The following ZFHX3 variants were observed in gnomAD, a reference collection of about 807,000 sequenced individuals.
ZFHX3 encodes the protein zinc finger homeobox protein 3.
A neutral mutation model predicts 279.1 loss-of-function variants in ZFHX3; 42 were observed. That is an observed-to-expected ratio of 0.15 (90% confidence interval 0.12 to 0.19). The LOEUF is 0.19. Among genes scored for constraint, ZFHX3 ranks in the 10% least tolerant of loss-of-function variants. ZFHX3 has a pLI of 1.00. For missense variants in ZFHX3, 4,981 were observed against 4,754.0 expected (o/e 1.05, Z -1.40); for synonymous variants, 2,293 against 1,957.8 (o/e 1.17, Z -4.52).
intron 1 of ZFHX3, among the ~76,000 whole-genome samples, chr16:72,969,696 A>C (rs1393935035): frequency 6.6e-6 from 1 of 152,234 alleles, no homozygotes; most frequent in African/African-American, 2.4e-5. Flanking sequence ...ACCTCCTTCA[A>C]GGGTCAAAGA....
chr16:73,408,798 A>G (rs2017412543), intron 3 of ZFHX3, among the ~76,000 whole-genome samples: 1 of 151,996 alleles, frequency 6.6e-6, no homozygotes, highest in Non-Finnish European at 1.5e-5. Flanking sequence ...ATGGCTTTGC[A>G]TGGAACTCAG....
At chr16:73,382,252 T>C (rs529465451) in intron 3 of ZFHX3, among the ~76,000 whole-genome samples, 3 of 152,282 alleles carry the variant, frequency 2.0e-5, no homozygotes, top group Admixed American at 1.3e-4. Flanking sequence ...TCAGAAGCCA[T>C]AAAAGAAAAG....
chr16:72,840,189 G>T (rs2037310681), intron 4 of ZFHX3, among the ~76,000 whole-genome samples: 3 of 151,978 alleles, frequency 2.0e-5, no homozygotes, highest in Non-Finnish European at 2.9e-5. Flanking sequence ...ATATATGGAT[G>T]AAAAAAAGTC....
chr16:72,889,608 A>G, intron 4 of ZFHX3, 123 bp downstream of exon 4: 3 of 873,396 alleles, frequency 3.4e-6, no homozygotes. Context: ...CTGTGAAGTC[A>G]GTAAGGAACA....
chr16:72,807,869 T>A (rs931384698), intron 7 of ZFHX3: 3 of 152,214 alleles, frequency 2.0e-5, no homozygotes, highest in African/African-American at 7.2e-5. Flanking sequence ...AGATTCACTC[T>A]TGCTGCCATT....
rs551688508 is a variant in ZFHX3 at position 72,971,309 on chromosome 16, A to G, written c.-49-11115T>C. On this transcript the variant is annotated intron_variant, in intron 1 of 9. Transcript: ENST00000268489. ...AGGGCCCTTAAATCTTTGTACACATATAACAACAACAACAAAAACAACAAA... is the reference window on the plus strand; with the variant it reads ...AGGGCCCTTAAATCTTTGTACACATGTAACAACAACAACAAAAACAACAAA... 1.2e-4 allele frequency among the ~76,000 whole-genome samples: 18 copies of G among 150,626 alleles called. No individual in the cohort carries two copies. In the Middle Eastern group the frequency reaches 0.01, roughly 87 times the overall value.
chr16:72,916,473 T>A (rs1363461701), intron 3 of ZFHX3, among the ~76,000 whole-genome samples: 1 of 152,226 alleles, frequency 6.6e-6, no homozygotes, highest in East Asian at 1.9e-4. Context: ...TCTAATAAGA[T>A]GTGAACAGAG....
At chr16:73,109,349 C>T (rs4788701) in intron 7 of ZFHX3, among the ~76,000 whole-genome samples, 42,074 of 151,964 alleles carry the variant, frequency 0.28, 6,203 homozygotes, top group African/African-American at 0.37. Context: ...TCTGTTGAAG[C>T]GCTTCGTATT....
At chr16:73,211,644 T>C (rs1340321990) in intron 5 of ZFHX3, among the ~76,000 whole-genome samples, 2 of 152,148 alleles carry the variant, frequency 1.3e-5, no homozygotes, top group African/African-American at 2.4e-5. Flanking sequence ...TTCCATGCAT[T>C]TGTATTTAAA....
At chr16:72,949,013 C>T (rs1231128631) in intron 3 of ZFHX3, among the ~76,000 whole-genome samples, 1 of 152,232 alleles carries the variant, frequency 6.6e-6, no homozygotes, top group Non-Finnish European at 1.5e-5. Flanking sequence ...ATAGCTGAGT[C>T]CACAGTCAGT....
intron 2 of ZFHX3, among the ~76,000 whole-genome samples, chr16:73,589,435 CAAA>C (rs35416481): frequency 6.6e-5 from 9 of 136,170 alleles, no homozygotes; most frequent in Non-Finnish European, 7.8e-5. Flanking sequence ...GACGCTCTTT[CAAA>C]AAAAAAAAAA....
chr16:72,824,603 A>G (rs189984162), intron 5 of ZFHX3, among the ~76,000 whole-genome samples: 13 of 152,252 alleles, frequency 8.5e-5, no homozygotes, highest in Non-Finnish European at 1.3e-4. Flanking sequence ...CTCGTCCCAA[A>G]TTACCTTAAC....
intron 2 of ZFHX3, among the ~76,000 whole-genome samples, chr16:73,619,893 TCTAA>T (rs2052341660): frequency 6.6e-6 from 1 of 152,194 alleles, no homozygotes; most frequent in African/African-American, 2.4e-5. Flanking sequence ...TGGTTGTTTC[TCTAA>T]CTAAATTTAG....
chr16:73,081,545 C>T (rs1965945370), intron 8 of ZFHX3: 1 of 152,280 alleles, frequency 6.6e-6, no homozygotes, highest in African/African-American at 2.4e-5. Flanking sequence ...AGGCATGAGC[C>T]ACTGTGCCCG....
intron 3 of ZFHX3, among the ~76,000 whole-genome samples, chr16:72,925,203 G>A (rs542121388): frequency 1.3e-5 from 2 of 152,250 alleles, no homozygotes; most frequent in South Asian, 2.1e-4. Context: ...TATCGAAATC[G>A]GTCGTGAGGC....
At chr16:73,753,959 T>C (rs1597095903) in intron 1 of ZFHX3, among the ~76,000 whole-genome samples, 1 of 134,742 alleles carries the variant, frequency 7.4e-6, no homozygotes, top group African/African-American at 2.8e-5. Context: ...CTGCTGCAAA[T>C]AGTAATGAGA....
chr16:73,674,229 A>G (rs1257152385), intron 2 of ZFHX3, among the ~76,000 whole-genome samples: 2 of 152,370 alleles, frequency 1.3e-5, no homozygotes, highest in Admixed American at 1.3e-4. Context: ...TATAAAAGGC[A>G]TAGAAAATTA....
chr16:73,458,624 T>G (rs1459231794), intron 2 of ZFHX3, among the ~76,000 whole-genome samples: 1 of 152,106 alleles, frequency 6.6e-6, no homozygotes. Context: ...TACACCTGAC[T>G]TTTGAACTGC....
chr16:72,997,862 T>C (rs1040586320), intron 1 of ZFHX3, among the ~76,000 whole-genome samples: 9 of 151,132 alleles, frequency 6.0e-5, no homozygotes, highest in African/African-American at 2.2e-4. Flanking sequence ...GCAAGATCGC[T>C]TGAGCCCAGG....
Sources: gnomAD v4.1 joint callset for allele counts (sites outside exome capture counted in the v4.1 genomes callset) on GRCh38, gnomAD v4.1.1 for gene constraint, MANE v1.5 for transcripts, NCBI Gene and HGNC (gene_info 2026-07-23, HGNC 2026-07-21) for gene names.